SHROOM2: variants seen among roughly 807,000 people sequenced by gnomAD.
The protein encoded by SHROOM2 is protein Shroom2.
Under a neutral mutation model 75.9 loss-of-function variants are expected in SHROOM2, and 33 were observed. That is an observed-to-expected ratio of 0.43 (90% CI 0.33 to 0.58). SHROOM2 has a LOEUF of 0.58. SHROOM2 is among the 20% of genes least tolerant of loss of function. The pLI is 0.04. For missense variants in SHROOM2, 1,434 were observed against 1,461.2 expected (o/e 0.98, Z 0.30); for synonymous variants, 655 against 663.6 (o/e 0.99, Z 0.20).
At chrX:9,903,628 C>T (rs921582778) in intron 5 of SHROOM2, among the ~76,000 whole-genome samples, 1 of 111,501 alleles carries the variant, frequency 9.0e-6, no homozygotes, top group Admixed American at 9.5e-5. Flanking sequence ...ACTGCAGCCT[C>T]CACCTCCTGG....
chrX:9,908,365 A>G (rs1006994089), intron 5 of SHROOM2, among the ~76,000 whole-genome samples: 5 of 112,232 alleles, frequency 4.5e-5, no homozygotes, highest in Non-Finnish European at 9.4e-5. Context: ...TTCAGAACAT[A>G]AGGGTACTAG....
At chrX:9,799,521 G>C (rs1165245822) in intron 1 of SHROOM2, among the ~76,000 whole-genome samples, 1 of 110,867 alleles carries the variant, frequency 9.0e-6, no homozygotes, top group East Asian at 2.8e-4. Context: ...CATTAATTAA[G>C]AATTTTTAAT....
chrX:9,879,790 G>A (rs1033029528), intron 2 of SHROOM2, among the ~76,000 whole-genome samples: 5 of 110,566 alleles, frequency 4.5e-5, no homozygotes, highest in Non-Finnish European at 9.5e-5. Flanking sequence ...TGGAGGACCT[G>A]TATGTGCTAT....
chrX:9,842,846 G>T (rs1487391579), intron 1 of SHROOM2, among the ~76,000 whole-genome samples: 1 of 111,483 alleles, frequency 9.0e-6, no homozygotes, highest in Non-Finnish European at 1.9e-5. Flanking sequence ...CCTCTTGCTT[G>T]GGGTTGGGTG....
intron 9 of SHROOM2, 119 bp downstream of exon 9, chrX:9,945,032 C>T (rs2084806436): frequency 1.4e-6 from 1 of 707,519 alleles, no homozygotes; most frequent in Non-Finnish European, 2.1e-6. Flanking sequence ...GCCTGTCCAC[C>T]TCCTCCTGCA....
intron 8 of SHROOM2, among the ~76,000 whole-genome samples, chrX:9,940,245 C>T (rs1450769143): frequency 4.5e-5 from 5 of 112,297 alleles, no homozygotes; most frequent in Non-Finnish European, 7.5e-5. Flanking sequence ...AAAACATGTT[C>T]GGTTTTTCCA....
intron 6 of SHROOM2, among the ~76,000 whole-genome samples, chrX:9,936,147 G>C (rs2084703262): frequency 9.1e-6 from 1 of 109,678 alleles, no homozygotes; most frequent in South Asian, 3.9e-4. Flanking sequence ...GCCCAGGCTA[G>C]AGTGCAGTGG....
At chrX:9,866,325 A>G (rs1473441442) in intron 1 of SHROOM2, among the ~76,000 whole-genome samples, 1 of 109,998 alleles carries the variant, frequency 9.1e-6, no homozygotes, top group East Asian at 2.9e-4. Flanking sequence ...TGTCCTCATC[A>G]TGCAGATATT....
At chrX:9,937,714 C>T (rs2084729209) in intron 7 of SHROOM2, 29 bp downstream of exon 7, 4 of 1,094,672 alleles carry the variant, frequency 3.7e-6, no homozygotes, top group South Asian at 2.2e-5. Context: ...CCAGCTTGGG[C>T]GTGACTCTGC....
chrX:9,847,245 G>A (rs2084011255), intron 1 of SHROOM2, among the ~76,000 whole-genome samples: 1 of 112,026 alleles, frequency 8.9e-6, no homozygotes, highest in African/African-American at 3.2e-5. Flanking sequence ...TTATTGGTGG[G>A]GATTTTGTTT....
At chrX:9,936,651 G>A (rs767893353) in intron 6 of SHROOM2, among the ~76,000 whole-genome samples, 6 of 111,171 alleles carry the variant, frequency 5.4e-5, no homozygotes, top group African/African-American at 2.0e-4. Context: ...CGGCCACTCC[G>A]GAGAGGAGCC....
intron 1 of SHROOM2, among the ~76,000 whole-genome samples, chrX:9,836,083 C>T (rs1258959594): frequency 3.6e-5 from 4 of 112,020 alleles, no homozygotes; most frequent in South Asian, 3.7e-4. Context: ...ACCTGGAGAG[C>T]GGGGAGGGGA....
intron 1 of SHROOM2, among the ~76,000 whole-genome samples, chrX:9,824,638 G>A (rs538023013): frequency 1.8e-5 from 2 of 111,196 alleles, no homozygotes; most frequent in Admixed American, 1.9e-4. Flanking sequence ...GCTGGTTTCC[G>A]GAGCTCCCTG....
intron 1 of SHROOM2, among the ~76,000 whole-genome samples, chrX:9,802,144 G>A (rs1037947078): frequency 1.8e-4 from 19 of 107,640 alleles, no homozygotes; most frequent in African/African-American, 6.4e-4. Context: ...TGTTGCCCAG[G>A]CTGGACTTGA....
At chrX:9,923,273 G>A (rs2084564052) in intron 5 of SHROOM2, among the ~76,000 whole-genome samples, 1 of 111,009 alleles carries the variant, frequency 9.0e-6, no homozygotes, top group African/African-American at 3.3e-5. Context: ...AAGCCTTTCT[G>A]GCTGGAGGAA....
intron 6 of SHROOM2, 68 bp downstream of exon 6, chrX:9,932,938 C>A: frequency 1.0e-6 from 1 of 958,060 alleles, no homozygotes; most frequent in Non-Finnish European, 1.4e-6. Flanking sequence ...CTCAGTGGGT[C>A]TTTCTGGGGA....
At chrX:9,808,233 T>A (rs2083767367) in intron 1 of SHROOM2, among the ~76,000 whole-genome samples, 2 of 110,967 alleles carry the variant, frequency 1.8e-5, no homozygotes, top group African/African-American at 6.6e-5. Flanking sequence ...GAAGCCTTCC[T>A]GCACTTCTTT....
At chrX:9,926,020 A>G (rs1346656444) in intron 5 of SHROOM2, among the ~76,000 whole-genome samples, 1 of 111,759 alleles carries the variant, frequency 8.9e-6, no homozygotes. Context: ...GCCTGTGTCC[A>G]GGTCTGCCCC....
chrX:9,857,292 G>C (rs1340284753), intron 1 of SHROOM2, among the ~76,000 whole-genome samples: 1 of 111,942 alleles, frequency 8.9e-6, no homozygotes, highest in Admixed American at 9.5e-5. Context: ...TCCTGCACCA[G>C]AGCATGCCAG....
Sources: allele counts gnomAD v4.1 joint callset (sites outside exome capture counted in the v4.1 genomes callset), GRCh38; gene constraint gnomAD v4.1.1; transcripts MANE v1.5; gene names NCBI Gene and HGNC (gene_info 2026-07-23, HGNC 2026-07-21).